OPRM1: variants seen among roughly 807,000 people sequenced by gnomAD.
OPRM1 encodes the protein mu-type opioid receptor.
A neutral mutation model predicts 31.8 loss-of-function variants in OPRM1; 27 were observed. The observed-to-expected ratio is 0.85, with a 90% CI of 0.63 to 1.17. OPRM1 has a LOEUF of 1.17. Among genes scored for constraint, OPRM1 ranks in the 50% most tolerant of loss-of-function variants. The pLI is 0.00. For synonymous variants in OPRM1, 196 were observed against 189.9 expected, an observed-to-expected ratio of 1.03 and a Z score of -0.26; for missense variants, 536 against 511.1, an observed-to-expected ratio of 1.05 and a Z score of -0.47.
chr6:154,019,747 C>CTTTTCTTTT (rs61209522), intron 1 of OPRM1, among the ~76,000 whole-genome samples: 8 of 122,016 alleles, frequency 6.6e-5, no homozygotes, highest in African/African-American at 2.7e-4. Flanking sequence ...CTTTTCTTTT[C>CTTTTCTTTT]TTTTTTTTTT....
intron 3 of OPRM1, among the ~76,000 whole-genome samples, chr6:154,187,948 TTCACTC>T (rs1801530447): frequency 6.6e-6 from 1 of 152,192 alleles, no homozygotes; most frequent in Admixed American, 6.5e-5. Flanking sequence ...ACAGAAACCT[TTCACTC>T]TGAGATCAAG....
At chr6:154,102,234 A>G (rs930256532) in intron 3 of OPRM1, among the ~76,000 whole-genome samples, 3 of 152,128 alleles carry the variant, frequency 2.0e-5, no homozygotes, top group African/African-American at 7.2e-5. Context: ...AAAAATGTAA[A>G]TGGCCCCAGA....
At chr6:154,091,770 G>C (rs1792302652) in intron 3 of OPRM1, 1 of 1,089,294 alleles carries the variant, frequency 9.2e-7, no homozygotes, top group East Asian at 6.1e-5. Flanking sequence ...GCACATTATA[G>C]AAATAATTCT....
intron 3 of OPRM1, among the ~76,000 whole-genome samples, chr6:154,186,894 CT>C (rs987938715): frequency 1.2e-4 from 19 of 152,216 alleles, no homozygotes; most frequent in African/African-American, 3.9e-4. Flanking sequence ...GATGGCACCG[CT>C]CCTCCCTGCA....
At chr6:154,094,139 C>A in intron 3 of OPRM1, 1 of 891,606 alleles carries the variant, frequency 1.1e-6, no homozygotes, top group Non-Finnish European at 1.6e-6. Context: ...TGTATTTGTA[C>A]TTTCTTTGAG....
chr6:154,177,405 T>C (rs539748984), intron 3 of OPRM1, among the ~76,000 whole-genome samples: 67 of 151,298 alleles, frequency 4.4e-4, no homozygotes, highest in African/African-American at 1.6e-3. Flanking sequence ...AAAGGGCTAA[T>C]ATCCAGAATC....
upstream of OPRM1, among the ~76,000 whole-genome samples, chr6:154,037,838 T>A (rs116167377): frequency 3.3e-5 from 5 of 151,450 alleles, no homozygotes; most frequent in African/African-American, 4.9e-5. Flanking sequence ...AGCTGATTTA[T>A]AAAATGATTG....
chr6:154,243,747 A>G (rs1457814140), intron 3 of OPRM1, among the ~76,000 whole-genome samples: 3 of 152,206 alleles, frequency 2.0e-5, no homozygotes, highest in African/African-American at 7.2e-5. Flanking sequence ...TCATGGGTTT[A>G]GGAGTCCAAG....
At chr6:154,195,515 TTTAAA>T (rs973803527) in intron 3 of OPRM1, among the ~76,000 whole-genome samples, 9 of 152,092 alleles carry the variant, frequency 5.9e-5, no homozygotes, top group Admixed American at 5.2e-4. Context: ...CCATTAGCTG[TTTAAA>T]TTAAGGAACA....
chr6:154,175,488 A>G (rs1800241380), intron 3 of OPRM1, among the ~76,000 whole-genome samples: 1 of 151,956 alleles, frequency 6.6e-6, no homozygotes, highest in Admixed American at 6.6e-5. Context: ...GATAAAGGGG[A>G]TATCACCACC....
At chr6:154,179,499 G>A (rs547786298) in intron 3 of OPRM1, among the ~76,000 whole-genome samples, 11 of 151,994 alleles carry the variant, frequency 7.2e-5, no homozygotes, top group South Asian at 2.1e-4. Flanking sequence ...AATTATTTCC[G>A]CCCCCCCTTA....
intron 3 of OPRM1, among the ~76,000 whole-genome samples, chr6:154,100,044 TATATATCATATGATATATATCA>T (rs1239754364): frequency 4.8e-4 from 64 of 132,824 alleles, no homozygotes; most frequent in South Asian, 1.2e-3. Flanking sequence ...TATCATATGA[TATATATCATATGATATATATCA>T]TGATATATAT....
chr6:154,210,905 T>C (rs1023627086), intron 3 of OPRM1, among the ~76,000 whole-genome samples: 7 of 152,340 alleles, frequency 4.6e-5, no homozygotes, highest in Middle Eastern at 3.4e-3. Flanking sequence ...TGACCACAAT[T>C]CTCCACTGAC....
chr6:154,152,951 C>G lies in OPRM1; in HGVS notation c.1164+61479C>G, dbSNP rs1798581444. Among the ~76,000 whole-genome samples the G allele has an allele frequency of 2.7e-5, 4 of 149,986 alleles. No individual in the cohort carries two copies. In the South Asian group the frequency reaches 8.4e-4, roughly 32 times the overall value. On this transcript the variant is annotated intron_variant, in intron 3 of 3. Coordinates refer to the OPRM1 transcript ENST00000337049. The stretch of plus-strand genomic sequence containing the variant: ...ACAGGGTCTCATTATGTTGACCAGT[C>G]TGGTCTCAAACTCTTGGCTTCAAGC...
intron 3 of OPRM1, chr6:154,214,213 C>T: frequency 1.3e-6 from 2 of 1,586,388 alleles, no homozygotes; most frequent in South Asian, 1.1e-5. Flanking sequence ...TAAAATAGAA[C>T]ATACCTTCAT....
In OPRM1 at chr6:154,121,789, T is replaced by C. The variant is rs115430666; in HGVS notation, c.*3068T>C. On this transcript the variant is annotated 3_prime_UTR_variant, in exon 4 of 4. Coordinates refer to ENST00000330432, the MANE Select transcript of OPRM1 (RefSeq NM_000914.5). ...ACCTCTGCAAAGATTCCGACCACAT[T>C]TATCAAAAAGTCCCCAAAGCATTCA... 0.019 allele frequency among the ~76,000 whole-genome samples: 2,907 copies of C among 152,250 alleles called. 99 individuals are homozygous for C. The highest frequency in any genetic ancestry group is 0.064 in the African/African-American group (2,662 of 41,534).
intron 3 of OPRM1, among the ~76,000 whole-genome samples, chr6:154,171,124 A>G (rs917805372): frequency 1.3e-5 from 2 of 152,150 alleles, no homozygotes; most frequent in African/African-American, 4.8e-5. Flanking sequence ...ATAAATACCC[A>G]AGAGAATTGA....
intron 1 of OPRM1, among the ~76,000 whole-genome samples, chr6:154,020,497 T>C (rs1778301452): frequency 6.6e-6 from 1 of 152,184 alleles, no homozygotes; most frequent in Non-Finnish European, 1.5e-5. Flanking sequence ...GAAAGATAAT[T>C]TAAAAAAAAT....
chr6:154,023,911 T>C (rs1778533899), intron 1 of OPRM1, among the ~76,000 whole-genome samples: 1 of 152,158 alleles, frequency 6.6e-6, no homozygotes, highest in South Asian at 2.1e-4. Context: ...TGATGAATTA[T>C]CTTTTTAATA....
Sources: gnomAD v4.1 joint callset for allele counts (sites outside exome capture counted in the v4.1 genomes callset) on GRCh38, gnomAD v4.1.1 for gene constraint, MANE v1.5 for transcripts, NCBI Gene and HGNC (gene_info 2026-07-23, HGNC 2026-07-21) for gene names.